The following CCDC171 variants were observed in gnomAD, a reference collection of about 807,000 sequenced individuals.
The protein encoded by CCDC171 is coiled-coil domain-containing protein 171.
Under a neutral mutation model 168.2 loss-of-function variants are expected in CCDC171, and 177 were observed. The ratio of observed to expected loss-of-function variants is 1.05; its 90% CI spans 0.93 to 1.19. The LOEUF (loss-of-function observed/expected upper bound fraction) is 1.19, where lower values mean the gene tolerates loss of function less well. CCDC171 is among the 50% of genes most tolerant of loss of function. The pLI, the probability that CCDC171 is intolerant of heterozygous loss-of-function variation, is 0.00. For missense variants in CCDC171, 1,991 were observed against 1,539.0 expected (o/e 1.29, Z -4.91); for synonymous variants, 687 against 540.8 (o/e 1.27, Z -3.75).
At chr9:15,668,511 C>A (rs1364363048) in intron 9 of CCDC171, among the ~76,000 whole-genome samples, 1 of 152,068 alleles carries the variant, frequency 6.6e-6, no homozygotes, top group African/African-American at 2.4e-5. Context: ...AACATAATGT[C>A]CCTTATATCT....
chr9:16,103,609 G>A, the CCDC171 span, among the ~76,000 whole-genome samples: 2 of 152,360 alleles, frequency 1.3e-5, no homozygotes, highest in South Asian at 4.1e-4. Flanking sequence ...AGAGGACGTG[G>A]CTTGGGACCT....
At chr9:15,658,923 G>A (rs183640072) in intron 8 of CCDC171, among the ~76,000 whole-genome samples, 7 of 152,262 alleles carry the variant, frequency 4.6e-5, no homozygotes, top group Non-Finnish European at 8.8e-5. Context: ...AGGTACAGGG[G>A]ACAAACTGAG....
intron 4 of CCDC171, among the ~76,000 whole-genome samples, chr9:15,589,951 A>G (rs1313923704): frequency 6.6e-6 from 1 of 152,214 alleles, no homozygotes; most frequent in Non-Finnish European, 1.5e-5. Context: ...ACATCTCAGA[A>G]CTAAAGGACA....
chr9:15,994,353 G>A (rs187785137), intron 3 of CCDC171, among the ~76,000 whole-genome samples: 238 of 152,200 alleles, frequency 1.6e-3, no homozygotes, highest in Admixed American at 4.1e-3. Context: ...TCCAAACACC[G>A]CATGTTCTCA....
chr9:16,102,067 C>T, the CCDC171 span, among the ~76,000 whole-genome samples: 1 of 152,196 alleles, frequency 6.6e-6, no homozygotes, highest in African/African-American at 2.4e-5. Context: ...ATCTGGCAGC[C>T]CTCCCTGCAT....
intron 25 of CCDC171, among the ~76,000 whole-genome samples, chr9:15,959,850 A>T (rs1010461976): frequency 1.3e-5 from 2 of 152,168 alleles, no homozygotes; most frequent in African/African-American, 4.8e-5. Flanking sequence ...ACTGAAAGAA[A>T]TGTTCTGTGA....
At chr9:15,992,642 G>T (rs575521181) in intron 3 of CCDC171, among the ~76,000 whole-genome samples, 97 of 152,270 alleles carry the variant, frequency 6.4e-4, no homozygotes, top group African/African-American at 2.3e-3. Flanking sequence ...TACGAAAAGA[G>T]GAAGTCAAAT....
intron 9 of CCDC171, among the ~76,000 whole-genome samples, chr9:15,671,824 T>A (rs996745716): frequency 6.6e-6 from 1 of 152,224 alleles, no homozygotes; most frequent in Non-Finnish European, 1.5e-5. Context: ...CATGTGCATG[T>A]GTCTTTATAG....
chr9:16,028,342 C>T (rs140720491), intron 6 of CCDC171, among the ~76,000 whole-genome samples: 125 of 152,066 alleles, frequency 8.2e-4, no homozygotes, highest in African/African-American at 2.6e-3. Context: ...AGAGACCGAC[C>T]GGGAGAGGGA....
At chr9:15,554,181 G>A (rs1283921610) in intron 1 of CCDC171, among the ~76,000 whole-genome samples, 7 of 152,098 alleles carry the variant, frequency 4.6e-5, no homozygotes, top group African/African-American at 1.7e-4. Context: ...CGCCACGCCC[G>A]GCTAATTTTT....
chr9:15,674,308 C>G (rs375638076), intron 9 of CCDC171, among the ~76,000 whole-genome samples: 3 of 152,196 alleles, frequency 2.0e-5, no homozygotes, highest in African/African-American at 7.2e-5. Flanking sequence ...TTTCAAAAAA[C>G]GAGCTCCTGG....
chr9:15,990,236 G>A (rs1832142368), intron 3 of CCDC171, among the ~76,000 whole-genome samples: 2 of 152,066 alleles, frequency 1.3e-5, no homozygotes, highest in Non-Finnish European at 2.9e-5. Flanking sequence ...TCTCTTGGCA[G>A]AAACTCTACA....
chr9:15,764,006 C>T (rs889010812), intron 18 of CCDC171, among the ~76,000 whole-genome samples: 7 of 152,086 alleles, frequency 4.6e-5, no homozygotes, highest in Admixed American at 3.3e-4. Context: ...TGAGGGGAAG[C>T]GGTGGTAGTT....
At chr9:15,655,910 C>T (rs1236777996) in intron 7 of CCDC171, among the ~76,000 whole-genome samples, 1 of 152,084 alleles carries the variant, frequency 6.6e-6, no homozygotes, top group Non-Finnish European at 1.5e-5. Context: ...AAACCAAAAA[C>T]AGAAAATGAC....
At chr9:15,812,028 T>C (rs12001109) in intron 21 of CCDC171, among the ~76,000 whole-genome samples, 4,160 of 152,172 alleles carry the variant, frequency 0.027, 189 homozygotes, top group African/African-American at 0.096. Flanking sequence ...CTAGGGGAAA[T>C]GGTTGGAAAC....
intron 3 of CCDC171, among the ~76,000 whole-genome samples, chr9:16,014,610 C>T (rs1363504033): frequency 6.6e-6 from 1 of 152,066 alleles, no homozygotes; most frequent in African/African-American, 2.4e-5. Context: ...AATAATAAGA[C>T]TAGAAAGTCA....
intron 25 of CCDC171, among the ~76,000 whole-genome samples, chr9:15,934,441 A>G (rs1826882873): frequency 6.6e-6 from 1 of 151,780 alleles, no homozygotes; most frequent in Admixed American, 6.6e-5. Flanking sequence ...AAGAAAAGGA[A>G]ATGCAAATCA....
At position 15,951,772 on chromosome 9, in the gene CCDC171, C is replaced by T. The variant is rs913956017; in HGVS notation, c.3754-19837C>T. Among the ~76,000 whole-genome samples the T allele has an allele frequency of 1.2e-4, 18 of 152,088 alleles. 1 individual carries two copies. Among genetic ancestry groups the T allele is most frequent in the Admixed American group, 9.8e-4 (15 of 15,246 alleles). On this transcript the variant is annotated intron_variant, in intron 25 of 25. Transcript: ENST00000380701. ...TATATTCTGGATATAAATCCCTTAA[C>T]AGATACATGATTTGCAAGTATTTTC...
chr9:15,572,792 G>A (rs187309848), intron 3 of CCDC171, among the ~76,000 whole-genome samples: 160 of 152,270 alleles, frequency 1.1e-3, no homozygotes, highest in African/African-American at 3.7e-3. Context: ...TGAAAACAGT[G>A]ATCACACTTT....
Sources: gnomAD v4.1 joint callset for allele counts (sites outside exome capture counted in the v4.1 genomes callset) on GRCh38, gnomAD v4.1.1 for gene constraint, MANE v1.5 for transcripts, NCBI Gene and HGNC (gene_info 2026-07-23, HGNC 2026-07-21) for gene names.